Variants in KDM4C observed in about 807,000 individuals in gnomAD.
KDM4C encodes lysine demethylase 4C.
KDM4C carries 81 observed loss-of-function variants against 129.3 expected under a neutral mutation model. That is an observed-to-expected ratio of 0.63 (90% confidence interval 0.52 to 0.75). The LOEUF (loss-of-function observed/expected upper bound fraction) is 0.75, where lower values mean the gene tolerates loss of function less well. Among genes scored for constraint, KDM4C ranks in the 30% least tolerant of loss-of-function variants. KDM4C has a pLI of 0.00. For synonymous variants in KDM4C, 573 were observed against 456.1 expected (o/e 1.26, Z -3.26); for missense variants, 1,457 against 1,304.0 (o/e 1.12, Z -1.81).
intron 1 of KDM4C, among the ~76,000 whole-genome samples, chr9:6,779,160 C>G (rs773568671): frequency 7.4e-4 from 113 of 151,938 alleles, no homozygotes; most frequent in Non-Finnish European, 1.2e-3. Context: ...TCCCGAGTAG[C>G]TGGGACTACA....
At chr9:6,857,699 C>T (rs994327264) in intron 5 of KDM4C, among the ~76,000 whole-genome samples, 1 of 151,610 alleles carries the variant, frequency 6.6e-6, no homozygotes, top group African/African-American at 2.4e-5. Flanking sequence ...TGGAACTAAT[C>T]CTAATAATGT....
In KDM4C at chr9:6,806,450, C is replaced by T. The variant is rs148869708; in HGVS notation, c.320+676C>T. ...CAGAGGTTGCAGTGAGCCGAGATCA[C>T]GCCATTGCACTCCAGCCTGGGCAAC... is the stretch of plus-strand genomic sequence containing the variant. On this transcript the variant is annotated intron_variant, in intron 3 of 21. Transcript: ENST00000381309. 3.7e-3 allele frequency among the ~76,000 whole-genome samples: 556 copies of T among 151,960 alleles called. 2 individuals are homozygous for T. Among genetic ancestry groups the T allele is most frequent in the African/African-American group, 0.013 (533 of 41,450 alleles).
chr9:6,808,859 C>T (rs1047981157), intron 3 of KDM4C, among the ~76,000 whole-genome samples: 6 of 151,926 alleles, frequency 3.9e-5, no homozygotes, highest in African/African-American at 1.5e-4. Context: ...TAAATGTTGT[C>T]ACAATTATTA....
At chr9:6,776,346 C>T (rs1823030674) in intron 1 of KDM4C, among the ~76,000 whole-genome samples, 1 of 152,160 alleles carries the variant, frequency 6.6e-6, no homozygotes, top group Admixed American at 6.5e-5. Context: ...TTACTGCAAC[C>T]TCTGCCTCCC....
At chr9:6,738,036 G>C (rs937257611) in intron 1 of KDM4C, among the ~76,000 whole-genome samples, 3 of 151,458 alleles carry the variant, frequency 2.0e-5, no homozygotes, top group Non-Finnish European at 4.4e-5. Flanking sequence ...CAGGAGGCTG[G>C]GGCATGAGAA....
chr9:7,027,675 A>C (rs1234660333), intron 15 of KDM4C, among the ~76,000 whole-genome samples: 1 of 152,204 alleles, frequency 6.6e-6, no homozygotes, highest in African/African-American at 2.4e-5. Context: ...CCTGCCCTTC[A>C]TGATGGTGAG....
At chr9:7,039,540 A>G (rs1364532785) in intron 15 of KDM4C, among the ~76,000 whole-genome samples, 3 of 152,090 alleles carry the variant, frequency 2.0e-5, no homozygotes, top group African/African-American at 7.2e-5. Context: ...CAGTTCAGCT[A>G]AAAATCTGCA....
intron 8 of KDM4C, among the ~76,000 whole-genome samples, chr9:6,963,753 C>T (rs1294708291): frequency 6.6e-6 from 1 of 152,192 alleles, no homozygotes; most frequent in Non-Finnish European, 1.5e-5. Context: ...GCATCATTTT[C>T]CTGCCTCTCA....
intron 6 of KDM4C, among the ~76,000 whole-genome samples, chr9:6,885,723 T>C (rs1187465741): frequency 6.6e-6 from 1 of 152,154 alleles, no homozygotes; most frequent in Non-Finnish European, 1.5e-5. Flanking sequence ...CCTGCAGGTA[T>C]TTTGAGGTAA....
chr9:7,102,823 T>C (rs1377296692), intron 17 of KDM4C, among the ~76,000 whole-genome samples: 1 of 152,236 alleles, frequency 6.6e-6, no homozygotes, highest in Non-Finnish European at 1.5e-5. Context: ...TTGTTTCTTC[T>C]GCTTTCCAGA....
intron 12 of KDM4C, among the ~76,000 whole-genome samples, chr9:7,008,662 T>G (rs764977345): frequency 7.2e-5 from 11 of 152,224 alleles, no homozygotes; most frequent in South Asian, 2.1e-4. Flanking sequence ...AGTGGAATGT[T>G]GGTGCCAAGC....
chr9:7,099,569 GAAGCTGTCGGCA>G (rs1836840127), intron 17 of KDM4C, among the ~76,000 whole-genome samples: 1 of 152,206 alleles, frequency 6.6e-6, no homozygotes, highest in Non-Finnish European at 1.5e-5. Context: ...CCTTGTACTA[GAAGCTGTCGGCA>G]TGAGTGACAC....
chr9:7,070,529 T>C (rs960788865), intron 17 of KDM4C, among the ~76,000 whole-genome samples: 26 of 152,086 alleles, frequency 1.7e-4, no homozygotes, highest in Non-Finnish European at 3.5e-4. Context: ...CTTAATTGGG[T>C]TTATCCTGAG....
At chr9:7,029,207 C>G (rs1346741365) in intron 15 of KDM4C, among the ~76,000 whole-genome samples, 4 of 151,660 alleles carry the variant, frequency 2.6e-5, no homozygotes, top group Non-Finnish European at 5.9e-5. Flanking sequence ...CTCCTGCAGG[C>G]TATTGCTAAT....
At chr9:6,945,432 G>T (rs1826788699) in intron 8 of KDM4C, among the ~76,000 whole-genome samples, 1 of 152,080 alleles carries the variant, frequency 6.6e-6, no homozygotes, top group South Asian at 2.1e-4. Context: ...TAGTAGCATT[G>T]ATGTATTTTT....
chr9:6,922,190 C>T (rs1347623219), intron 8 of KDM4C, among the ~76,000 whole-genome samples: 1 of 152,238 alleles, frequency 6.6e-6, no homozygotes, highest in Non-Finnish European at 1.5e-5. Flanking sequence ...CCAATCTTAG[C>T]TGCTGCTGCT....
chr9:6,892,309 G>A (rs113484695), intron 7 of KDM4C, among the ~76,000 whole-genome samples: 3 of 151,902 alleles, frequency 2.0e-5, no homozygotes, highest in African/African-American at 7.2e-5. Context: ...TTTTTGTATC[G>A]GATAGATACT....
chr9:6,911,055 AT>A (rs745984373), intron 8 of KDM4C, among the ~76,000 whole-genome samples: 42 of 152,170 alleles, frequency 2.8e-4, no homozygotes, highest in Non-Finnish European at 4.7e-4. Flanking sequence ...CAGGGTTTTA[AT>A]TTGCTTATCT....
chr9:7,170,564 A>G (rs985510193), intron 21 of KDM4C: 3 of 954,248 alleles, frequency 3.1e-6, no homozygotes, highest in Non-Finnish European at 3.7e-6. Context: ...TTTAGACTTC[A>G]TATTATTGTA....
Sources: gnomAD v4.1 joint callset for allele counts (sites outside exome capture counted in the v4.1 genomes callset) on GRCh38, gnomAD v4.1.1 for gene constraint, MANE v1.5 for transcripts, NCBI Gene and HGNC (gene_info 2026-07-23, HGNC 2026-07-21) for gene names.